The following MINDY4B variants were observed in gnomAD, a reference collection of about 807,000 sequenced individuals.
The protein encoded by MINDY4B is inactive ubiquitin carboxyl-terminal hydrolase MINDY-4B.
Under a neutral mutation model 16.7 loss-of-function variants are expected in MINDY4B, and 25 were observed. The observed-to-expected ratio is 1.49, with a 90% confidence interval of 1.09 to 2.09. The LOEUF is 2.09. Among genes scored for constraint, MINDY4B ranks in the 30% most tolerant of loss-of-function variants. The probability of loss-of-function intolerance (pLI) is 0.00; values close to 1 mark genes in which losing one functional copy is unlikely to be tolerated. For synonymous variants in MINDY4B, 132 were observed against 61.9 expected, an observed-to-expected ratio of 2.13 and a Z score of -5.32; for missense variants, 327 against 168.4, an observed-to-expected ratio of 1.94 and a Z score of -5.21.
intron 3 of MINDY4B, 127 bp from the exon 4 acceptor site, chr3:150,894,432 C>T: frequency 1.8e-6 from 1 of 547,278 alleles, no homozygotes; most frequent in South Asian, 2.5e-5. Context: ...TTACATATTA[C>T]TCTAGTCCCT....
In MINDY4B at chr3:150,883,007, C is replaced by T. The variant is rs1245863552; in HGVS notation, c.949G>A (p.Gly317Ser). The T allele has an allele frequency of 2.8e-6, 2 of 702,536 alleles. No homozygotes were observed. The highest frequency in any genetic ancestry group is 5.2e-6 in the Non-Finnish European group (2 of 384,716). 43.5% of individuals were successfully genotyped at this position (702,536 alleles called of 1,614,324 possible). A position where few individuals can be genotyped will look rare whatever the true frequency, so the allele number is the denominator to read the frequency against. Residue 317 changes from glycine (G) to serine (S), a missense_variant, in exon 10 of 12, where the codon GGC becomes AGC. Physicochemically the swap from Gly to Ser is moderately conservative, Grantham distance 56. Coordinates refer to ENST00000465419, the MANE Select transcript of MINDY4B (RefSeq NM_001351281.2). ...TGRASPNVFN[G>S]CEEGKSQETL... is the part of the protein sequence containing the mutation. ...TCCTGAGACTTTCCTTCCTCACAGC[C>T]ATTGAAGACATTGGGACTTGCTCTT...
intron 10 of MINDY4B, among the ~76,000 whole-genome samples, chr3:150,875,588 A>G (rs549502233): frequency 1.7e-4 from 26 of 152,352 alleles, no homozygotes; most frequent in Non-Finnish European, 3.1e-4. Context: ...TTGTTGCTTT[A>G]TGCAGCAATA....
intron 7 of MINDY4B, among the ~76,000 whole-genome samples, chr3:150,886,452 G>A (rs879874366): frequency 6.6e-6 from 1 of 152,192 alleles, no homozygotes; most frequent in Non-Finnish European, 1.5e-5. Context: ...GAAATGGGGA[G>A]GGGTGAGGCC....
At chr3:150,878,908 T>C (rs1711501278) in intron 10 of MINDY4B, among the ~76,000 whole-genome samples, 2 of 152,214 alleles carry the variant, frequency 1.3e-5, no homozygotes, top group Admixed American at 1.3e-4. Flanking sequence ...TGAGCAGACT[T>C]GTGTAGAAAG....
At chr3:150,872,401 G>A (rs1291016224) in intron 11 of MINDY4B, among the ~76,000 whole-genome samples, 1 of 152,234 alleles carries the variant, frequency 6.6e-6, no homozygotes, top group Non-Finnish European at 1.5e-5. Context: ...GTGGTGCAAA[G>A]TCAGACACAG....
intron 3 of MINDY4B, 147 bp downstream of exon 3, chr3:150,903,102 T>C (rs1712154987): frequency 5.1e-6 from 2 of 395,458 alleles, no homozygotes; most frequent in Non-Finnish European, 8.9e-6. Flanking sequence ...AATAAGTCAT[T>C]TTAATTATAT....
chr3:150,904,242 T>C (rs536706052), intron 2 of MINDY4B, among the ~76,000 whole-genome samples: 1 of 152,338 alleles, frequency 6.6e-6, no homozygotes, highest in South Asian at 2.1e-4. Context: ...CTTTTTTTTC[T>C]TTTAAAGATT....
At chr3:150,900,124 C>T (rs894511299) in intron 3 of MINDY4B, among the ~76,000 whole-genome samples, 2 of 152,138 alleles carry the variant, frequency 1.3e-5, no homozygotes, top group African/African-American at 2.4e-5. Context: ...ACCTTTCCCA[C>T]GATTTCACCT....
At chr3:150,903,215 T>G in intron 3 of MINDY4B, 34 bp downstream of exon 3, 3 of 398,452 alleles carry the variant, frequency 7.5e-6, no homozygotes, top group Non-Finnish European at 1.3e-5. Context: ...AAGATTACGT[T>G]TCATTTCATG....
In MINDY4B at chr3:150,890,386, C is replaced by G; in HGVS notation, c.688-1G>C. On this transcript the variant is annotated splice_acceptor_variant, in intron 6 of 11. Coordinates refer to ENST00000465419, the MANE Select transcript of MINDY4B (RefSeq NM_001351281.2). LOFTEE classifies it high-confidence loss of function. ...TCTCTAAAAATTCAAACAGCTGGAG[C>G]TATAAATCAGGAACAGAAGATAAAA... 1 of 629,340 alleles carries G rather than the reference C, an allele frequency of 1.6e-6. No individual in the cohort carries two copies. The highest frequency in any genetic ancestry group is 2.8e-6 in the Non-Finnish European group (1 of 357,166). 39.0% of individuals were successfully genotyped at this position (629,340 alleles called of 1,614,324 possible).
Position 150,897,321 on chromosome 3 carries a change from CTGTGTGTGTGTGTGTG to C in MINDY4B, c.310-3032_310-3017del, listed in dbSNP as rs3062408. Among the ~76,000 whole-genome samples, 440 of 130,596 alleles carry C rather than the reference CTGTGTGTGTGTGTGTG, an allele frequency of 3.4e-3. 2 individuals are homozygous for C. Among genetic ancestry groups the C allele is most frequent in the East Asian group, 0.02 (89 of 4,394 alleles). 85.7% of individuals were successfully genotyped at this position (130,596 alleles called of 152,430 possible). On this transcript the variant is annotated intron_variant, in intron 3 of 11. Coordinates refer to ENST00000465419, the MANE Select transcript of MINDY4B (RefSeq NM_001351281.2). ...GAGTAAGTGTTCAATGTGACTGGAA[CTGTGTGTGTGTGTGTG>C]TGTGTGTGTGTGTGTGTGTGTGTGT...
intron 10 of MINDY4B, among the ~76,000 whole-genome samples, chr3:150,876,578 T>A (rs182825194): frequency 4.5e-4 from 68 of 152,324 alleles, no homozygotes; most frequent in African/African-American, 1.6e-3. Context: ...TAGTTCATGT[T>A]TGCAGGGCGC....
At position 150,877,992 on chromosome 3, in the gene MINDY4B, C is replaced by T. The variant is rs528460264; in HGVS notation, c.1060-4625G>A. 1.2e-4 allele frequency among the ~76,000 whole-genome samples: 18 copies of T among 152,236 alleles called. No homozygotes were observed. The South Asian group carries it at 3.3e-3, about 28-fold the overall frequency. ...TGTAGATAGAACTCGGTTCATATCC[C>T]TGGCTCTGACACTTGCCTAGCTGCT... On this transcript the variant is annotated intron_variant, in intron 10 of 11. Coordinates refer to ENST00000465419, the MANE Select transcript of MINDY4B (RefSeq NM_001351281.2).
chr3:150,872,798 G>A (rs529999951), intron 11 of MINDY4B, among the ~76,000 whole-genome samples: 2 of 152,284 alleles, frequency 1.3e-5, no homozygotes, highest in East Asian at 3.9e-4. Flanking sequence ...CTGATGTTTG[G>A]TTGTGAGATA....
rs932534776 is a variant in MINDY4B at position 150,870,591 on chromosome 3, C to T, written c.*454G>A. Reference sequence around the variant, plus strand: ...GAACTGTATCCTTGGAAAGGAATGCCGTCCATACCAGGAAGTCCTTGAGAA... The same window carrying T: ...GAACTGTATCCTTGGAAAGGAATGCTGTCCATACCAGGAAGTCCTTGAGAA... On this transcript the variant is annotated 3_prime_UTR_variant, in exon 12 of 12. Transcript: ENST00000465419. Among the ~76,000 whole-genome samples the T allele has an allele frequency of 1.3e-5, 2 of 152,126 alleles. No homozygotes were observed. Among genetic ancestry groups the T allele is most frequent in the Non-Finnish European group, 2.9e-5 (2 of 68,016 alleles).
At chr3:150,899,690 G>A (rs140020438) in intron 3 of MINDY4B, among the ~76,000 whole-genome samples, 2 of 152,232 alleles carry the variant, frequency 1.3e-5, no homozygotes, top group East Asian at 3.9e-4. Context: ...CTCTCTACTG[G>A]GCAGAGGGTA....
chr3:150,887,087 A>T lies in MINDY4B; in HGVS notation c.754-1649T>A, dbSNP rs183829706. Among the ~76,000 whole-genome samples, 8 of 152,362 alleles carry T rather than the reference A, an allele frequency of 5.3e-5. 1 individual carries two copies. Among genetic ancestry groups the T allele is most frequent in the East Asian group, 1.9e-4 (1 of 5,192 alleles). ...AATAATAGTGTAGAACATTTATAGC[A>T]CTATACCAGGAGCACTATTCTTGTG... On this transcript the variant is annotated intron_variant, in intron 7 of 11. Transcript: ENST00000465419.
Position 150,873,328 on chromosome 3 carries a change from G to C in MINDY4B, c.1099C>G (p.Leu367Val). Residue 367 changes from leucine to valine, a missense_variant, in exon 11 of 12, where the codon CTG (leucine) becomes GTG (valine). Leu to Val is a conservative substitution (Grantham distance 32). Coordinates refer to ENST00000465419, the MANE Select transcript of MINDY4B (RefSeq NM_001351281.2). ...MLKTPKLPIW[L>V]CNINGNYSIL... ...CTGTAATTTCCATTGATGTTGCACA[G>C]CCAAATAGGTAATTTGGGAGTCTTC... 1.4e-6 allele frequency: 1 copy of C among 702,800 alleles called. No individual in the cohort carries two copies. The highest frequency in any genetic ancestry group is 2.6e-6 in the Non-Finnish European group (1 of 384,816). The allele number at this position is 702,800 out of a possible 1,614,324, so 43.5% of individuals were successfully genotyped here. A position where few individuals can be genotyped will look rare whatever the true frequency, so the allele number is the denominator to read the frequency against.
At position 150,870,896 on chromosome 3, in the gene MINDY4B, AAATG is replaced by A. The variant is rs1716950409; in HGVS notation, c.*145_*148del. On this transcript the variant is annotated 3_prime_UTR_variant, in exon 12 of 12. Coordinates refer to ENST00000465419, the MANE Select transcript of MINDY4B (RefSeq NM_001351281.2). Reference sequence around the variant, plus strand: ...GCTAGGGATTTACCAGAGACTTAAAAAATGAAAAAACTGCTAATGGTATATATAT... The same window carrying A: ...GCTAGGGATTTACCAGAGACTTAAAAAAAAAACTGCTAATGGTATATATAT... The A allele has an allele frequency of 1.8e-6, 1 of 550,680 alleles. No homozygotes were observed. The highest frequency in any genetic ancestry group is 1.9e-5 in the African/African-American group (1 of 52,894). The allele number at this position is 550,680 out of a possible 1,614,324, so 34.1% of individuals were successfully genotyped here.
Sources: gnomAD v4.1 joint callset for allele counts (sites outside exome capture counted in the v4.1 genomes callset) on GRCh38, gnomAD v4.1.1 for gene constraint, MANE v1.5 for transcripts, NCBI Gene and HGNC (gene_info 2026-07-23, HGNC 2026-07-21) for gene names.